KAZN: variants seen among roughly 807,000 people sequenced by gnomAD.
The protein encoded by KAZN is kazrin, periplakin interacting protein, also known as kazrin.
Under a neutral mutation model 87.4 loss-of-function variants are expected in KAZN, and 40 were observed. The ratio of observed to expected loss-of-function variants is 0.46; its 90% confidence interval spans 0.36 to 0.60. The LOEUF (loss-of-function observed/expected upper bound fraction) is 0.60. Ranked by LOEUF, KAZN falls within the 20% of genes least tolerant of loss-of-function variation. KAZN has a pLI of 0.00. For synonymous variants in KAZN, 466 were observed against 458.3 expected, an observed-to-expected ratio of 1.02 and a Z score of -0.22; for missense variants, 898 against 1,073.9, an observed-to-expected ratio of 0.84 and a Z score of 2.29.
At chr1:14,398,847 C>G (rs2101123269) in intron 2 of KAZN, among the ~76,000 whole-genome samples, 1 of 151,860 alleles carries the variant, frequency 6.6e-6, no homozygotes, top group East Asian at 1.9e-4. Context: ...GTTGTGTTTC[C>G]TCCTTTTCCT....
chr1:14,985,660 T>TC (rs1666734413), intron 2 of KAZN, among the ~76,000 whole-genome samples: 1 of 152,166 alleles, frequency 6.6e-6, no homozygotes, highest in Non-Finnish European at 1.5e-5. Context: ...TTCGTTGGAT[T>TC]GAGGCAGGGC....
At chr1:15,007,022 A>G (rs1252270674) in intron 2 of KAZN, among the ~76,000 whole-genome samples, 2 of 138,620 alleles carry the variant, frequency 1.4e-5, no homozygotes, top group Non-Finnish European at 3.0e-5. Context: ...GCGCCACTGC[A>G]CTCCAGCCTG....
chr1:14,416,218 T>C (rs1411453175), intron 2 of KAZN, among the ~76,000 whole-genome samples: 1 of 152,188 alleles, frequency 6.6e-6, no homozygotes, highest in African/African-American at 2.4e-5. Context: ...CCCCTGATTA[T>C]GTGTCACCTT....
chr1:15,100,551 T>A (rs78592190), intron 10 of KAZN, among the ~76,000 whole-genome samples: 19,599 of 152,224 alleles, frequency 0.13, 1,458 homozygotes, highest in African/African-American at 0.19. Context: ...AGGCTGCCAC[T>A]GTGTGGCGAG....
At chr1:14,251,962 G>C (rs563398169) in intron 2 of KAZN, among the ~76,000 whole-genome samples, 2 of 151,970 alleles carry the variant, frequency 1.3e-5, no homozygotes, top group Non-Finnish European at 2.9e-5. Flanking sequence ...CTTGGATCTT[G>C]TGGGGAGCTT....
At chr1:14,703,860 A>G (rs964934017) in intron 1 of KAZN, among the ~76,000 whole-genome samples, 5 of 152,104 alleles carry the variant, frequency 3.3e-5, no homozygotes, top group Non-Finnish European at 7.4e-5. Context: ...GCCTGGGGCA[A>G]CTCCAGCCTG....
chr1:14,653,971 T>TC (rs1433361346), intron 1 of KAZN, among the ~76,000 whole-genome samples: 2 of 152,130 alleles, frequency 1.3e-5, no homozygotes, highest in East Asian at 3.9e-4. Context: ...CCCTTTCCTC[T>TC]CCCCACAATT....
chr1:13,909,260 T>A (rs1470301659), intron 1 of KAZN, among the ~76,000 whole-genome samples: 1 of 152,206 alleles, frequency 6.6e-6, no homozygotes, highest in Non-Finnish European at 1.5e-5. Context: ...AGAGTTCAGA[T>A]AACATCGGGG....
intron 1 of KAZN, among the ~76,000 whole-genome samples, chr1:14,763,260 G>C (rs1265034165): frequency 6.6e-6 from 1 of 152,222 alleles, no homozygotes; most frequent in Non-Finnish European, 1.5e-5. Flanking sequence ...AACTAGTTGA[G>C]GAGCTGTTTC....
Position 15,077,830 on chromosome 1 carries a change from A to G in KAZN, c.1222+12077A>G, listed in dbSNP as rs895531637. 6.6e-6 allele frequency among the ~76,000 whole-genome samples: 1 copy of G among 152,210 alleles called. No individual in the cohort carries two copies. Among genetic ancestry groups the G allele is most frequent in the Non-Finnish European group, 1.5e-5 (1 of 68,036 alleles). ...AGGAATGGGGACAAAGACTGGCTTC[A>G]TGGGAGCAGGAGAGGTAGCAGGGGG... On this transcript the variant is annotated intron_variant, in intron 8 of 14. Coordinates refer to ENST00000376030, the MANE Select transcript of KAZN (RefSeq NM_201628.3). The surrounding 1 kb of genome is among the most constrained non-coding windows in gnomAD (Gnocchi z 4.8).
intron 2 of KAZN, among the ~76,000 whole-genome samples, chr1:14,478,449 G>A (rs530340404): frequency 1.1e-4 from 17 of 152,246 alleles, no homozygotes; most frequent in African/African-American, 3.9e-4. Flanking sequence ...GGACACTTGA[G>A]ACCCAATTGG....
intron 2 of KAZN, among the ~76,000 whole-genome samples, chr1:14,336,388 T>C (rs1434328519): frequency 2.0e-5 from 3 of 152,206 alleles, no homozygotes; most frequent in Non-Finnish European, 4.4e-5. Flanking sequence ...ATTTGAGATG[T>C]TTCCAGTTTG....
chr1:14,052,773 C>G (rs1295836309), intron 1 of KAZN, among the ~76,000 whole-genome samples: 1 of 152,146 alleles, frequency 6.6e-6, no homozygotes, highest in Non-Finnish European at 1.5e-5. Context: ...GACATTCGAG[C>G]AAGGAGCTGA....
chr1:13,943,231 C>T (rs1013578840), intron 1 of KAZN, among the ~76,000 whole-genome samples: 1 of 152,038 alleles, frequency 6.6e-6, no homozygotes, highest in African/African-American at 2.4e-5. Flanking sequence ...TTCAAAAGAG[C>T]AACAAGACAA....
chr1:14,826,657 T>C (rs772749815), intron 1 of KAZN, among the ~76,000 whole-genome samples: 1 of 152,066 alleles, frequency 6.6e-6, no homozygotes, highest in Non-Finnish European at 1.5e-5. Context: ...ACTGAGACTG[T>C]TAAGTTCCTC....
chr1:14,075,880 A>G (rs1353599170), intron 1 of KAZN, among the ~76,000 whole-genome samples: 1 of 152,160 alleles, frequency 6.6e-6, no homozygotes, highest in Admixed American at 6.5e-5. Context: ...CCAAACTCAT[A>G]TGGGAAAGTT....
intron 1 of KAZN, among the ~76,000 whole-genome samples, chr1:14,681,639 A>ATG (rs1640623180): frequency 9.9e-5 from 1 of 10,112 alleles, no homozygotes; most frequent in African/African-American, 3.1e-4. Context: ...ATATATATAT[A>ATG]TATATATATA....
intron 2 of KAZN, among the ~76,000 whole-genome samples, chr1:14,507,892 G>A (rs148330821): frequency 3.4e-4 from 52 of 152,082 alleles, no homozygotes; most frequent in African/African-American, 7.2e-4. Context: ...GTGTGAACCC[G>A]GGAGGTGGAG....
chr1:14,854,572 A>T (rs766120895), intron 1 of KAZN, among the ~76,000 whole-genome samples: 9 of 152,138 alleles, frequency 5.9e-5, no homozygotes, highest in Non-Finnish European at 1.2e-4. Context: ...TGGCTTTATG[A>T]CAACCCACTC....
Sources: gnomAD v4.1 joint callset for allele counts (sites outside exome capture counted in the v4.1 genomes callset) on GRCh38, gnomAD v4.1.1 for gene constraint, Gnocchi (gnomAD v3.1) non-coding constraint, MANE v1.5 for transcripts, NCBI Gene and HGNC (gene_info 2026-07-23, HGNC 2026-07-21) for gene names.